TASP1: variants seen among roughly 807,000 people sequenced by gnomAD.
TASP1 encodes taspase 1, also known as threonine aspartase 1.
A neutral mutation model predicts 56.6 loss-of-function variants in TASP1; 16 were observed. That is an observed-to-expected ratio of 0.28 (90% CI 0.19 to 0.43). The LOEUF is 0.43. Ranked by LOEUF, TASP1 falls within the 20% of genes least tolerant of loss-of-function variation. The pLI is 1.00. For synonymous variants in TASP1, 179 were observed against 184.2 expected, an observed-to-expected ratio of 0.97 and a Z score of 0.23; for missense variants, 393 against 511.6, an observed-to-expected ratio of 0.77 and a Z score of 2.24.
chr20:13,467,294 C>T lies in TASP1; in HGVS notation c.985+15933G>A, dbSNP rs138411431. 2.9e-4 allele frequency among the ~76,000 whole-genome samples: 44 copies of T among 151,790 alleles called. No individual in the cohort carries two copies. In the East Asian group the frequency reaches 7.4e-3, roughly 25 times the overall value. On this transcript the variant is annotated intron_variant, in intron 11 of 13. Coordinates refer to ENST00000337743, the MANE Select transcript of TASP1 (RefSeq NM_017714.3). ...TGCAACCCTTCATCCTAAATGAAGACATCACCTGAACAAGGACATTCTCCT... is the reference window on the plus strand; with the variant it reads ...TGCAACCCTTCATCCTAAATGAAGATATCACCTGAACAAGGACATTCTCCT...
the TASP1 span, among the ~76,000 whole-genome samples, chr20:13,137,329 T>G: frequency 6.6e-6 from 1 of 152,146 alleles, no homozygotes; most frequent in African/African-American, 2.4e-5. Flanking sequence ...ACACACTGCC[T>G]TTAGCAGGGT....
At chr20:13,269,677 C>A in the TASP1 span, among the ~76,000 whole-genome samples, 2 of 152,166 alleles carry the variant, frequency 1.3e-5, no homozygotes, top group East Asian at 3.9e-4. Flanking sequence ...CAAGTGTCAC[C>A]TTCTCTGAGG....
the TASP1 span, among the ~76,000 whole-genome samples, chr20:13,316,189 C>T: frequency 6.6e-6 from 1 of 151,724 alleles, no homozygotes; most frequent in Non-Finnish European, 1.5e-5. Flanking sequence ...AATTGATAAC[C>T]TAAATGAAAT....
chr20:13,452,389 C>T (rs2043655156), intron 11 of TASP1, among the ~76,000 whole-genome samples: 2 of 150,278 alleles, frequency 1.3e-5, no homozygotes, highest in Admixed American at 1.3e-4. Flanking sequence ...CAATGCTCTC[C>T]CAAGCAGTGT....
At chr20:13,161,535 G>C in the TASP1 span, among the ~76,000 whole-genome samples, 1 of 152,180 alleles carries the variant, frequency 6.6e-6, no homozygotes, top group African/African-American at 2.4e-5. Context: ...TCGCAGGTGG[G>C]GACCCAGACT....
chr20:13,501,230 T>C (rs2043933964), intron 10 of TASP1, among the ~76,000 whole-genome samples: 1 of 151,950 alleles, frequency 6.6e-6, no homozygotes, highest in South Asian at 2.1e-4. Context: ...GGGCATTTGT[T>C]TAGGTTAAGG....
At chr20:13,513,312 C>T (rs2044406251) in intron 10 of TASP1, among the ~76,000 whole-genome samples, 1 of 150,808 alleles carries the variant, frequency 6.6e-6, no homozygotes, top group African/African-American at 2.4e-5. Flanking sequence ...TGGAGAAAAA[C>T]AACCATACGA....
chr20:13,114,777 C>T, the TASP1 span, among the ~76,000 whole-genome samples: 1 of 151,690 alleles, frequency 6.6e-6, no homozygotes, highest in Non-Finnish European at 1.5e-5. Context: ...TTTGGGCCCA[C>T]CAAGGAGATT....
intron 10 of TASP1, among the ~76,000 whole-genome samples, chr20:13,516,510 C>T (rs2044540238): frequency 6.6e-6 from 1 of 152,072 alleles, no homozygotes; most frequent in Non-Finnish European, 1.5e-5. Flanking sequence ...TGACAGGTTG[C>T]TCAACTTACC....
the TASP1 span, among the ~76,000 whole-genome samples, chr20:13,382,775 A>G: frequency 2.0e-5 from 3 of 152,202 alleles, no homozygotes; most frequent in Non-Finnish European, 4.4e-5. Context: ...CTCCAGGAAC[A>G]TTTAAAAATA....
At chr20:13,412,285 TC>T (rs1283760443) in intron 13 of TASP1, among the ~76,000 whole-genome samples, 4 of 152,200 alleles carry the variant, frequency 2.6e-5, no homozygotes, top group Non-Finnish European at 4.4e-5. Context: ...TTTATATACC[TC>T]TGTGTTGAGT....
At chr20:13,633,180 T>C (rs567351440) in intron 1 of TASP1, among the ~76,000 whole-genome samples, 1 of 152,282 alleles carries the variant, frequency 6.6e-6, no homozygotes, top group African/African-American at 2.4e-5. Flanking sequence ...TAAACATATA[T>C]GTAACAGTCT....
the TASP1 span, chr20:13,117,736 G>T: frequency 6.2e-7 from 1 of 1,600,038 alleles, no homozygotes; most frequent in East Asian, 2.2e-5. Flanking sequence ...GTAAGAGAGG[G>T]CCTGCTTGTG....
Position 13,433,975 on chromosome 20 carries a change from C to T in TASP1, c.1096+1069G>A, listed in dbSNP as rs150553385. On this transcript the variant is annotated intron_variant, in intron 12 of 13. Transcript: ENST00000337743. ...TTGTTGAATCTAACAAGCTTGAATG[C>T]TGACTGAAGATTAGACACAAGTGAT... 1.3e-4 allele frequency among the ~76,000 whole-genome samples: 19 copies of T among 152,000 alleles called. No individual in the cohort carries two copies. In the East Asian group the frequency reaches 3.7e-3, roughly 29 times the overall value.
the TASP1 span, among the ~76,000 whole-genome samples, chr20:13,227,684 A>C: frequency 6.8e-6 from 1 of 147,864 alleles, no homozygotes; most frequent in Non-Finnish European, 1.5e-5. Flanking sequence ...AATTTTTTGT[A>C]TTTTTAGTAG....
the TASP1 span, among the ~76,000 whole-genome samples, chr20:13,172,194 G>A: frequency 4.7e-4 from 72 of 152,170 alleles, no homozygotes; most frequent in African/African-American, 1.6e-3. Context: ...ACTAGCAAGT[G>A]CTAAGCGGAT....
chr20:13,521,255 C>T (rs1182916707), intron 10 of TASP1, among the ~76,000 whole-genome samples: 2 of 152,052 alleles, frequency 1.3e-5, no homozygotes, highest in African/African-American at 2.4e-5. Context: ...ACCATTTGAC[C>T]CAGCAATCCC....
chr20:13,607,314 C>G (rs967532945), intron 4 of TASP1, among the ~76,000 whole-genome samples: 4 of 152,156 alleles, frequency 2.6e-5, no homozygotes, highest in Non-Finnish European at 5.9e-5. Flanking sequence ...AATTTTGGAA[C>G]CCCAAGCCAA....
intron 13 of TASP1, chr20:13,393,604 G>A: frequency 9.4e-7 from 1 of 1,066,774 alleles, no homozygotes; most frequent in Non-Finnish European, 1.4e-6. Context: ...CTCATTTCCT[G>A]GTGTGACAAC....
Sources: allele counts gnomAD v4.1 joint callset (sites outside exome capture counted in the v4.1 genomes callset), GRCh38; gene constraint gnomAD v4.1.1; transcripts MANE v1.5; gene names NCBI Gene and HGNC (gene_info 2026-07-23, HGNC 2026-07-21).